The following AKAP8L variants were observed in gnomAD, a reference collection of about 807,000 sequenced individuals.
AKAP8L encodes A-kinase anchoring protein 8 like, also known as A-kinase anchor protein 8-like.
AKAP8L carries 34 observed loss-of-function variants against 77.5 expected under a neutral mutation model. The ratio of observed to expected loss-of-function variants is 0.44; its 90% confidence interval spans 0.33 to 0.58. The LOEUF is 0.58. Among genes scored for constraint, AKAP8L ranks in the 20% least tolerant of loss-of-function variants. The probability of loss-of-function intolerance (pLI) is 0.02; values close to 1 mark genes in which losing one functional copy is unlikely to be tolerated. For synonymous variants in AKAP8L, 342 were observed against 340.7 expected (o/e 1.00, Z -0.04); for missense variants, 806 against 887.6 (o/e 0.91, Z 1.17).
Position 15,398,502 on chromosome 19 carries a change from C to T in AKAP8L, c.1158-647G>A, listed in dbSNP as rs556820434. 3.1e-5 allele frequency: 27 copies of T among 883,508 alleles called. No homozygotes were observed. The highest frequency in any genetic ancestry group is 2.4e-4 in the East Asian group (2 of 8,352). The allele number at this position is 883,508 out of a possible 1,614,324, so 54.7% of individuals were successfully genotyped here. A position where few individuals can be genotyped will look rare whatever the true frequency, so the allele number is the denominator to read the frequency against. On this transcript the variant is annotated intron_variant, in intron 9 of 13. Transcript: ENST00000397410. This position sits in a 1 kb window ranked among gnomAD's most constrained non-coding sequence, Gnocchi z 9.2. ...AGAGGGCAGCCTGGAGTCACCTGGG[C>T]GAGGTGCTCTGTCTGGGCCTGGTGT...
At chr19:15,412,630 C>T (rs943121823) in intron 1 of AKAP8L, among the ~76,000 whole-genome samples, 5 of 152,266 alleles carry the variant, frequency 3.3e-5, no homozygotes, top group African/African-American at 1.2e-4. Context: ...CAACCTCCAC[C>T]TCCCGGGTTC....
At chr19:15,387,833 C>T (rs956909231) in intron 12 of AKAP8L, among the ~76,000 whole-genome samples, 1 of 152,120 alleles carries the variant, frequency 6.6e-6, no homozygotes, top group Non-Finnish European at 1.5e-5. Context: ...GTAGCACATG[C>T]CTGTAATCCC....
chr19:15,414,000 T>C (rs1968154311), intron 1 of AKAP8L, among the ~76,000 whole-genome samples: 1 of 152,016 alleles, frequency 6.6e-6, no homozygotes, highest in Non-Finnish European at 1.5e-5. Flanking sequence ...CAATACCATC[T>C]GCAAAGATCG....
In AKAP8L at chr19:15,397,818, A is replaced by G. The variant is rs772848640; in HGVS notation, c.1195T>C (p.Phe399Leu). 6.2e-7 allele frequency: 1 copy of G among 1,613,922 alleles called. No individual in the cohort carries two copies. Among genetic ancestry groups the G allele is most frequent in the South Asian group, 1.1e-5 (1 of 91,070 alleles). Residue 399 changes from phenylalanine (F) to leucine (L), a missense_variant, in exon 10 of 14, where the codon TTC becomes CTC. By Grantham distance (22) the Phe-to-Leu change is conservative (BLOSUM62 0). Coordinates refer to ENST00000397410, the MANE Select transcript of AKAP8L (RefSeq NM_014371.4). The surrounding 1 kb of genome is among the most constrained non-coding windows in gnomAD (Gnocchi z 4.7). ...TGGCTGGCCATCTCGTCCTCATAGA[A>G]GGTCCGGTATTTGCACAGAGAACAC... Reference protein sequence around the residue: ...FVCSLCKYRTFYEDEMASHLD... With the variant: ...FVCSLCKYRTLYEDEMASHLD...
rs111845879 is a variant in AKAP8L, at chr19:15,396,900, G to A, written c.1536+250C>T. Among the ~76,000 whole-genome samples the A allele has an allele frequency of 1.6e-3, 244 of 152,250 alleles. 4 individuals carry two copies. The highest frequency in any genetic ancestry group is 5.6e-3 in the African/African-American group (231 of 41,540). On this transcript the variant is annotated intron_variant, in intron 12 of 13. Coordinates refer to ENST00000397410, the MANE Select transcript of AKAP8L (RefSeq NM_014371.4). Reference sequence around the variant, plus strand: ...ATTTGGTTTCTGAACCTAATCTGGCGCTGGCCCCTATGAACATGGAGGTCC... The same window carrying A: ...ATTTGGTTTCTGAACCTAATCTGGCACTGGCCCCTATGAACATGGAGGTCC...
At chr19:15,380,902 A>G (rs1056111329) in intron 12 of AKAP8L, 1 of 404,454 alleles carries the variant, frequency 2.5e-6, no homozygotes, top group Non-Finnish European at 4.5e-6. Flanking sequence ...AAAAGCTATA[A>G]GCAGTGAACA....
Position 15,399,116 on chromosome 19 carries a change from A to C in AKAP8L, c.1157+186T>G. ...GCCAGCGGTCGCCAGGCGGCCGCAG[A>C]GGGGCAGGGGATGAGTCAGGCCTTG... On this transcript the variant is annotated intron_variant, in intron 9 of 13. Transcript: ENST00000397410. This position sits in a 1 kb window ranked among gnomAD's most constrained non-coding sequence, Gnocchi z 6.1. 1 of 611,088 alleles carries C rather than the reference A, an allele frequency of 1.6e-6. No homozygotes were observed. The highest frequency in any genetic ancestry group is 2.8e-5 in the East Asian group (1 of 35,166). 37.9% of individuals were successfully genotyped at this position (611,088 alleles called of 1,614,324 possible).
At chr19:15,400,443 T>C in intron 7 of AKAP8L, 85 bp from the exon 8 acceptor site, 1 of 1,346,742 alleles carries the variant, frequency 7.4e-7, no homozygotes, top group South Asian at 1.3e-5. Context: ...CAACGGTATA[T>C]AGTAAAACAG....
At position 15,412,123 on chromosome 19, in the gene AKAP8L, G is replaced by A. The variant is rs563285944; in HGVS notation, c.14-1529C>T. 1.1e-4 allele frequency among the ~76,000 whole-genome samples: 17 copies of A among 152,208 alleles called. No individual in the cohort carries two copies. The East Asian group carries it at 1.5e-3, about 14-fold the overall frequency. On this transcript the variant is annotated intron_variant, in intron 1 of 13. Coordinates refer to ENST00000397410, the MANE Select transcript of AKAP8L (RefSeq NM_014371.4). ...CGCAGGAGGCTGAGGCAGGAGAATC[G>A]CTTGAACCCAGGAGGCAGAGGTTGC... is the stretch of plus-strand genomic sequence containing the variant.
At chr19:15,389,123 G>A (rs2145113643) in intron 12 of AKAP8L, among the ~76,000 whole-genome samples, 1 of 150,212 alleles carries the variant, frequency 6.7e-6, no homozygotes, top group East Asian at 2.0e-4. Context: ...TACTTGGGAG[G>A]CTGAGGCAGG....
rs376732384 is a variant in AKAP8L, at chr19:15,415,702, A to T, written c.13+3209T>A. Among the ~76,000 whole-genome samples the T allele has an allele frequency of 4.2e-4, 64 of 152,010 alleles. 1 individual carries two copies. The highest frequency in any genetic ancestry group is 1.2e-3 in the South Asian group (6 of 4,814). ...GAGATCAAGACCATCCTGGCTAACA[A>T]GGTGAAACCCCGTCTCTACTAAAAA... On this transcript the variant is annotated intron_variant, in intron 1 of 13. Transcript: ENST00000397410.
chr19:15,397,338 G>A lies in AKAP8L; in HGVS notation c.1406-58C>T, dbSNP rs1967796917. ...CCAGGTGCCTAAGATAGACCCAGGT[G>A]TTCGAGAAAAAAACCACACCAGCTC... is the stretch of plus-strand genomic sequence containing the variant. On this transcript the variant is annotated intron_variant, in intron 11 of 13. Coordinates refer to ENST00000397410, the MANE Select transcript of AKAP8L (RefSeq NM_014371.4). The surrounding 1 kb of genome is among the most constrained non-coding windows in gnomAD (Gnocchi z 4.7). The A allele has an allele frequency of 1.3e-6, 2 of 1,599,358 alleles. No homozygotes were observed. The highest frequency in any genetic ancestry group is 1.7e-6 in the Non-Finnish European group (2 of 1,170,312).
rs372575418 is a variant in AKAP8L at position 15,404,000 on chromosome 19, T to C, written c.121+10A>G. 5.6e-6 allele frequency: 9 copies of C among 1,613,752 alleles called. No homozygotes were observed. The highest frequency in any genetic ancestry group is 7.6e-6 in the Non-Finnish European group (9 of 1,179,820). On this transcript the variant is annotated intron_variant, in intron 3 of 13. Transcript: ENST00000397410. The surrounding 1 kb of genome is among the most constrained non-coding windows in gnomAD (Gnocchi z 4.3). ...AGGGACAGGACAGCAATCACAGGAA[T>C]GACACTTGCCTCTATTTGTCCCAGA...
At chr19:15,413,481 G>A (rs536943918) in intron 1 of AKAP8L, among the ~76,000 whole-genome samples, 29 of 152,150 alleles carry the variant, frequency 1.9e-4, no homozygotes, top group Admixed American at 1.6e-3. Flanking sequence ...GGATAAAACC[G>A]AGGGTATACA....
Position 15,399,284 on chromosome 19 carries a change from T to C in AKAP8L, c.1157+18A>G, listed in dbSNP as rs1266342055. On this transcript the variant is annotated intron_variant, in intron 9 of 13. Coordinates refer to ENST00000397410, the MANE Select transcript of AKAP8L (RefSeq NM_014371.4). This position sits in a 1 kb window ranked among gnomAD's most constrained non-coding sequence, Gnocchi z 6.1. ...CCACAGCGAGGCAGAGGCAGAGGGG[T>C]GGAGGGAAGCTGGTTACCTTTCCAC... is the stretch of plus-strand genomic sequence containing the variant. The C allele has an allele frequency of 6.2e-7, 1 of 1,605,806 alleles. No homozygotes were observed. Among genetic ancestry groups the C allele is most frequent in the African/African-American group, 1.3e-5 (1 of 74,676 alleles).
Position 15,387,225 on chromosome 19 carries a change from G to A in AKAP8L, c.1537-6613C>T, listed in dbSNP as rs1599590897. On this transcript the variant is annotated intron_variant, in intron 12 of 13. Transcript: ENST00000397410. ...CTCCTCCCATGTCTCTCCTAAAGTG[G>A]CAGAGTCACTCAGAGAGAGGTACTC... is the stretch of plus-strand genomic sequence containing the variant. Among the ~76,000 whole-genome samples, 4 of 152,312 alleles carry A rather than the reference G, an allele frequency of 2.6e-5. No homozygotes were observed. The South Asian group carries it at 6.2e-4, about 24-fold the overall frequency.
rs1368351877 is a variant in AKAP8L at position 15,397,298 on chromosome 19, G to T, written c.1406-18C>A. The T allele has an allele frequency of 6.2e-7, 1 of 1,613,590 alleles. No individual in the cohort carries two copies. The highest frequency in any genetic ancestry group is 1.3e-5 in the African/African-American group (1 of 75,020). On this transcript the variant is annotated intron_variant, in intron 11 of 13. Transcript: ENST00000397410. The surrounding 1 kb of genome is among the most constrained non-coding windows in gnomAD (Gnocchi z 4.7). ...GGCAATTTCTGTAGTGGGGAGGAGGGAGTCACCACTGGGCCCAGGTGCCTA... is the reference window on the plus strand; with the variant it reads ...GGCAATTTCTGTAGTGGGGAGGAGGTAGTCACCACTGGGCCCAGGTGCCTA...
At chr19:15,409,513 G>C (rs183193556) in intron 2 of AKAP8L, among the ~76,000 whole-genome samples, 5 of 152,148 alleles carry the variant, frequency 3.3e-5, no homozygotes, top group African/African-American at 4.8e-5. Context: ...ACCCCTGAAG[G>C]CATGTTAGCT....
Position 15,399,327 on chromosome 19 carries a change from G to T in AKAP8L, c.1132C>A (p.Arg378=), listed in dbSNP as rs1046244448. 1.1e-5 allele frequency: 17 copies of T among 1,613,680 alleles called. No homozygotes were observed. Among genetic ancestry groups the T allele is most frequent in the Non-Finnish European group, 1.4e-5 (17 of 1,179,802 alleles). Residue 378 remains arginine, a synonymous_variant, in exon 9 of 14, where the codon CGG becomes AGG. Transcript: ENST00000397410. The surrounding 1 kb of genome is among the most constrained non-coding windows in gnomAD (Gnocchi z 6.1). ...GKKSQDKQKK[R]QRDRMVERIQ... ...CTTTCCACCATGCGGTCTCGCTGCC[G>T]CTTTTTCTGCTTGTCCTGACTCTTC...
Sources: allele counts gnomAD v4.1 joint callset (sites outside exome capture counted in the v4.1 genomes callset), GRCh38; gene constraint gnomAD v4.1.1; non-coding constraint Gnocchi (gnomAD v3.1); transcripts MANE v1.5; gene names NCBI Gene and HGNC (gene_info 2026-07-23, HGNC 2026-07-21).